Variants in F11R observed in about 807,000 individuals in gnomAD.
F11R encodes the protein F11 receptor.
Under a neutral mutation model 39.3 loss-of-function variants are expected in F11R, and 27 were observed. The ratio of observed to expected loss-of-function variants is 0.69; its 90% CI spans 0.51 to 0.95. The LOEUF (loss-of-function observed/expected upper bound fraction) is 0.95, where lower values mean the gene tolerates loss of function less well. Ranked by LOEUF, F11R falls within the 40% of genes least tolerant of loss-of-function variation. F11R has a pLI of 0.00. For synonymous variants in F11R, 131 were observed against 144.9 expected (o/e 0.90, Z 0.69); for missense variants, 335 against 372.7 (o/e 0.90, Z 0.83).
chr1:161,012,206 C>T (rs1649199251), intron 1 of F11R, among the ~76,000 whole-genome samples: 1 of 152,202 alleles, frequency 6.6e-6, no homozygotes, highest in African/African-American at 2.4e-5. Flanking sequence ...ACAACCATCC[C>T]TTGTACGTGA....
chr1:160,998,865 C>A lies in F11R; in HGVS notation c.*6G>T. 2 of 1,613,906 alleles carry A rather than the reference C, an allele frequency of 1.2e-6. No homozygotes were observed. Among genetic ancestry groups the A allele is most frequent in the Non-Finnish European group, 1.7e-6 (2 of 1,179,762 alleles). ...ATGCAGATGATAGGCGGTGAGCCGA[C>A]CAGGCTCACACCAGGAATGACGAGG... On this transcript the variant is annotated 3_prime_UTR_variant, in exon 10 of 10. Transcript: ENST00000368026.
intron 1 of F11R, among the ~76,000 whole-genome samples, chr1:161,012,904 C>T (rs954634823): frequency 6.6e-6 from 1 of 152,110 alleles, no homozygotes; most frequent in African/African-American, 2.4e-5. Flanking sequence ...GGATTATAGG[C>T]GTAAGCCACT....
rs894794350 is a variant in F11R, at chr1:161,000,662, A to G, written c.357T>C (p.Tyr119=). The G allele has an allele frequency of 1.2e-5, 19 of 1,614,014 alleles. No individual in the cohort carries two copies. The highest frequency in any genetic ancestry group is 1.5e-5 in the Non-Finnish European group (18 of 1,180,034). The change falls in exon 4 of 10, where the codon TAT becomes TAC. Residue 119 remains tyrosine, a synonymous_variant. Transcript: ENST00000368026. ...CGATGAGCTTGACCTTGACCTCCCC[A>G]TAGCTGTTGCCGCCTTCCTCAGAGA... is the stretch of plus-strand genomic sequence containing the variant. ...CMVSEEGGNS[Y]GEVKVKLIVL... is the part of the protein sequence containing the mutation.
rs148547521 is a variant in F11R at position 161,000,606 on chromosome 1, C to T, written c.388+25G>A. 687 of 1,613,976 alleles carry T rather than the reference C, an allele frequency of 4.3e-4. 10 individuals are homozygous for T. In the East Asian group the frequency reaches 0.015, roughly 35 times the overall value. ...TATGAGAAGTAACTAACTCCAGGCC[C>T]ACCCAGAAGACATGGGGCACGTACC... On this transcript the variant is annotated intron_variant, in intron 4 of 9. Transcript: ENST00000368026.
chr1:161,021,066 G>A lies in F11R; in HGVS notation c.8C>T (p.Thr3Ile), dbSNP rs1430724997. MG[T>I]KAQVERKLLC... ...CAGTTTCCTCTCGACTTGCGCCTTTGTCCCCATCGCGATCAGGCTCCCGAC... is the reference window on the plus strand; with the variant it reads ...CAGTTTCCTCTCGACTTGCGCCTTTATCCCCATCGCGATCAGGCTCCCGAC... Residue 3 changes from threonine (T) to isoleucine (I), a missense_variant, in exon 1 of 10, where the codon ACA becomes ATA. Coordinates refer to ENST00000368026, the MANE Select transcript of F11R (RefSeq NM_016946.6). 6.2e-7 allele frequency: 1 copy of A among 1,613,648 alleles called. No homozygotes were observed. Among genetic ancestry groups the A allele is most frequent in the Non-Finnish European group, 8.5e-7 (1 of 1,179,832 alleles).
chr1:160,999,796 A>G, intron 6 of F11R, 49 bp from the exon 7 acceptor site: 3 of 1,602,046 alleles, frequency 1.9e-6, no homozygotes, highest in Middle Eastern at 1.7e-4. Context: ...CACTCACGGC[A>G]CCTACAGTAT....
chr1:160,999,819 G>C (rs1481182592), intron 6 of F11R, 57 bp downstream of exon 6: 1 of 1,606,842 alleles, frequency 6.2e-7, no homozygotes, highest in African/African-American at 1.3e-5. Context: ...CCAATGGCAG[G>C]ATGAAAAGCA....
chr1:161,009,816 G>T (rs527259052), intron 1 of F11R, among the ~76,000 whole-genome samples: 1 of 152,192 alleles, frequency 6.6e-6, no homozygotes, highest in South Asian at 2.1e-4. Flanking sequence ...GCCAGGCATG[G>T]TGCATACCTG....
intron 1 of F11R, among the ~76,000 whole-genome samples, chr1:161,005,176 T>C (rs1443150890): frequency 1.4e-5 from 2 of 139,782 alleles, no homozygotes; most frequent in Non-Finnish European, 3.0e-5. Flanking sequence ...AAAATAATAA[T>C]AATAATAATA....
At chr1:161,017,145 C>A (rs1649510601) in intron 1 of F11R, among the ~76,000 whole-genome samples, 1 of 151,830 alleles carries the variant, frequency 6.6e-6, no homozygotes, top group Admixed American at 6.5e-5. Flanking sequence ...GCCGCAGGGA[C>A]CTCTGCCTAG....
In F11R at chr1:161,001,147, G is replaced by A; in HGVS notation, c.134-20C>T. 1 of 1,611,132 alleles carries A rather than the reference G, an allele frequency of 6.2e-7. No homozygotes were observed. The highest frequency in any genetic ancestry group is 8.5e-7 in the Non-Finnish European group (1 of 1,177,476). On this transcript the variant is annotated intron_variant, in intron 2 of 9. Transcript: ENST00000368026. Reference sequence around the variant, plus strand: ...TCACAGCTGCAGACAGGGTCAAAATGAGCCGAAGGAAGAAGCAGCAGCAAA... The same window carrying A: ...TCACAGCTGCAGACAGGGTCAAAATAAGCCGAAGGAAGAAGCAGCAGCAAA...
intron 1 of F11R, among the ~76,000 whole-genome samples, chr1:161,013,441 A>G (rs2101986172): frequency 6.6e-6 from 1 of 152,360 alleles, no homozygotes; most frequent in East Asian, 1.9e-4. Context: ...CTGCAATACA[A>G]TTAGAACCTG....
intron 4 of F11R, 40 bp downstream of exon 4, chr1:161,000,591 A>G: frequency 1.9e-6 from 3 of 1,613,236 alleles, no homozygotes; most frequent in Non-Finnish European, 2.5e-6. Context: ...TATGAGAAGT[A>G]ACTAACTCCA....
Position 161,000,176 on chromosome 1 carries a change from G to A in F11R, c.561C>T (p.Ser187=), listed in dbSNP as rs1336359690. ...PKSTRAFSNS[S]YVLNPTTGEL... ...CTCCTGTTGTGGGATTCAGGACATA[G>A]GAAGAGTTGCTGAAGGCACGGGTGC... Residue 187 remains serine (S), a synonymous_variant, in exon 5 of 10, where the codon TCC becomes TCT. Coordinates refer to ENST00000368026, the MANE Select transcript of F11R (RefSeq NM_016946.6). The A allele has an allele frequency of 1.1e-5, 17 of 1,614,050 alleles. No individual in the cohort carries two copies. Among genetic ancestry groups the A allele is most frequent in the Non-Finnish European group, 1.4e-5 (16 of 1,180,048 alleles).
intron 3 of F11R, 121 bp from the exon 4 acceptor site, chr1:161,000,898 G>T: frequency 6.8e-7 from 1 of 1,474,390 alleles, no homozygotes; most frequent in Non-Finnish European, 9.4e-7. Context: ...GGGTAGGAAG[G>T]CCATGAGGAC....
chr1:161,011,412 T>C (rs1477151698), intron 1 of F11R, among the ~76,000 whole-genome samples: 3 of 152,084 alleles, frequency 2.0e-5, no homozygotes, highest in Non-Finnish European at 4.4e-5. Flanking sequence ...AATTATGATA[T>C]AGCCATACTT....
chr1:160,999,745 C>T lies in F11R; in HGVS notation c.697G>A (p.Glu233Lys), dbSNP rs552269932. Residue 233 changes from glutamate to lysine, a missense_variant and splice_region_variant, in exon 7 of 10, where the codon GAG (glutamate) becomes AAG (lysine). Transcript: ENST00000368026. The part of the protein sequence containing the change: ...TSNAVRMEAV[E>K]RNVGVIVAAV... ...GCCACGATGACCCCCACATTCCGCT[C>T]CACTGCGAGACACAAATAAGAAGTC... The T allele has an allele frequency of 1.2e-6, 2 of 1,614,158 alleles. No individual in the cohort carries two copies. Among genetic ancestry groups the T allele is most frequent in the East Asian group, 4.5e-5 (2 of 44,884 alleles).
intron 3 of F11R, 42 bp downstream of exon 3, chr1:161,000,978 C>T: frequency 6.4e-7 from 1 of 1,570,352 alleles, no homozygotes; most frequent in African/African-American, 1.3e-5. Context: ...ATGATAATCC[C>T]TCCACAACCT....
At chr1:161,015,134 T>C (rs983233178) in intron 1 of F11R, among the ~76,000 whole-genome samples, 2 of 147,574 alleles carry the variant, frequency 1.4e-5, no homozygotes, top group Admixed American at 1.4e-4. Context: ...CAGTGGCTCA[T>C]GCCTGTAATC....
Sources: gnomAD v4.1 joint callset for allele counts (sites outside exome capture counted in the v4.1 genomes callset) on GRCh38, gnomAD v4.1.1 for gene constraint, MANE v1.5 for transcripts, NCBI Gene and HGNC (gene_info 2026-07-23, HGNC 2026-07-21) for gene names.